The following SYNGR1 variants were observed in gnomAD, a reference collection of about 807,000 sequenced individuals.
SYNGR1 encodes the protein synaptogyrin 1.
Under a neutral mutation model 26.1 loss-of-function variants are expected in SYNGR1, and 14 were observed. The ratio of observed to expected loss-of-function variants is 0.54; its 90% CI spans 0.35 to 0.84. The LOEUF is 0.84. Among genes scored for constraint, SYNGR1 ranks in the 40% least tolerant of loss-of-function variants. The pLI is 0.01. For missense variants in SYNGR1, 319 were observed against 332.9 expected (o/e 0.96, Z 0.33); for synonymous variants, 141 against 150.1 (o/e 0.94, Z 0.44).
rs189012507 is a variant in SYNGR1, at chr22:39,365,627, G to A, written c.100-8689G>A. Among the ~76,000 whole-genome samples the A allele has an allele frequency of 1.2e-3, 188 of 150,852 alleles. 1 individual carries two copies. The highest frequency in any genetic ancestry group is 4.5e-3 in the African/African-American group (182 of 40,146). ...AGAAGTTAAACCCTTGACACAGAGG[G>A]CAGCTGACAGCCCTGCAGGGGGTTC... On this transcript the variant is annotated intron_variant, in intron 1 of 3. Coordinates refer to ENST00000328933, the MANE Select transcript of SYNGR1 (RefSeq NM_004711.5).
chr22:39,375,793 C>T (rs1415570391), intron 2 of SYNGR1: 4 of 617,126 alleles, frequency 6.5e-6, no homozygotes, highest in East Asian at 5.5e-5. Flanking sequence ...CCGTGGCTCT[C>T]CTCTGACTGG....
rs1923840375 is a variant in SYNGR1, at chr22:39,350,288, G to C, written c.99+179G>C. Among the ~76,000 whole-genome samples the C allele has an allele frequency of 6.6e-6, 1 of 151,868 alleles. No homozygotes were observed. The highest frequency in any genetic ancestry group is 1.5e-5 in the Non-Finnish European group (1 of 67,916). Reference sequence around the variant, plus strand: ...GCCGCCGCTCCTCCTTCCCGGGCCCGGGGCGGGCGGGATCCCTGGTGCTCG... The same window carrying C: ...GCCGCCGCTCCTCCTTCCCGGGCCCCGGGCGGGCGGGATCCCTGGTGCTCG... On this transcript the variant is annotated intron_variant, in intron 1 of 3. Transcript: ENST00000328933. This position sits in a 1 kb window ranked among gnomAD's most constrained non-coding sequence, Gnocchi z 4.3.
chr22:39,361,549 T>C (rs1351004772), intron 1 of SYNGR1, among the ~76,000 whole-genome samples: 1 of 151,630 alleles, frequency 6.6e-6, no homozygotes, highest in Non-Finnish European at 1.5e-5. Context: ...TTAGTAGAGA[T>C]GGGTCTCACC....
rs778810244 is a variant in SYNGR1 at position 39,381,920 on chromosome 22, A to G, written c.*6A>G. 5 of 1,601,546 alleles carry G rather than the reference A, an allele frequency of 3.1e-6. No individual in the cohort carries two copies. The South Asian group carries it at 4.4e-5, about 14-fold the overall frequency. ...ACCAGTCGCAGGGCTACTGAGCCAC[A>G]GTGACCGCCTGCCCCCGCCCCTCCC... On this transcript the variant is annotated 3_prime_UTR_variant, in exon 4 of 4. Coordinates refer to ENST00000328933, the MANE Select transcript of SYNGR1 (RefSeq NM_004711.5).
At position 39,377,954 on chromosome 22, in the gene SYNGR1, C is replaced by A. The variant is rs900952674; in HGVS notation, c.483+1757C>A. Reference sequence around the variant, plus strand: ...GATGAATTAGGTGGGGTCCTTGGCTCCAGGAGCCCACAGGCTGGGGAGGAG... The same window carrying A: ...GATGAATTAGGTGGGGTCCTTGGCTACAGGAGCCCACAGGCTGGGGAGGAG... On this transcript the variant is annotated intron_variant, in intron 3 of 3. Transcript: ENST00000328933. 11 of 1,300,280 alleles carry A rather than the reference C, an allele frequency of 8.5e-6. No homozygotes were observed. In the African/African-American group the frequency reaches 1.5e-4, roughly 18 times the overall value. The allele number at this position is 1,300,280 out of a possible 1,614,324, so 80.5% of individuals were successfully genotyped here. A position where few individuals can be genotyped will look rare whatever the true frequency, so the allele number is the denominator to read the frequency against.
At chr22:39,368,193 C>T (rs1924857988) in intron 1 of SYNGR1, among the ~76,000 whole-genome samples, 1 of 152,220 alleles carries the variant, frequency 6.6e-6, no homozygotes, top group Non-Finnish European at 1.5e-5. Context: ...GCCACGTGCC[C>T]TTCCTTGCAT....
intron 1 of SYNGR1, among the ~76,000 whole-genome samples, chr22:39,355,382 C>T (rs995736489): frequency 6.6e-6 from 1 of 152,240 alleles, no homozygotes; most frequent in African/African-American, 2.4e-5. Context: ...GGTGGGCCCA[C>T]GGCCCTTGTT....
intron 1 of SYNGR1, among the ~76,000 whole-genome samples, chr22:39,367,279 A>G (rs2145620496): frequency 6.6e-6 from 1 of 152,348 alleles, no homozygotes; most frequent in Admixed American, 6.5e-5. Flanking sequence ...GCCCCAGAAG[A>G]GGCCTCCCAG....
At position 39,384,761 on chromosome 22, in the gene SYNGR1, C is replaced by G; in HGVS notation, c.*2847C>G. The G allele has an allele frequency of 2.5e-6, 1 of 399,144 alleles. No homozygotes were observed. Among genetic ancestry groups the G allele is most frequent in the Non-Finnish European group, 4.4e-6 (1 of 226,074 alleles). 24.7% of individuals were successfully genotyped at this position (399,144 alleles called of 1,614,324 possible). ...GGGTGGCTCCCTCCTCCCCATCAAGCACAAGAGAGGGCCCAGGAAAAAAGG... is the reference window on the plus strand; with the variant it reads ...GGGTGGCTCCCTCCTCCCCATCAAGGACAAGAGAGGGCCCAGGAAAAAAGG... On this transcript the variant is annotated 3_prime_UTR_variant, in exon 4 of 4. Coordinates refer to ENST00000328933, the MANE Select transcript of SYNGR1 (RefSeq NM_004711.5).
intron 1 of SYNGR1, among the ~76,000 whole-genome samples, chr22:39,359,274 G>A (rs79758575): frequency 0.016 from 2,359 of 152,032 alleles, 34 homozygotes; most frequent in Non-Finnish European, 0.023. Context: ...GCACTGGGTC[G>A]CCCACTCCCC....
rs570401095 is a variant in SYNGR1, at chr22:39,383,058, T to G, written c.*1144T>G. ...TGGCCCCAGCTGCCCAGCAGGTGCC[T>G]CGATTCCCTGCCCTTGTGACCTCCC... On this transcript the variant is annotated 3_prime_UTR_variant, in exon 4 of 4. Transcript: ENST00000328933. 8 of 152,408 alleles carry G rather than the reference T, an allele frequency of 5.2e-5. No individual in the cohort carries two copies. Among genetic ancestry groups the G allele is most frequent in the African/African-American group, 1.9e-4 (8 of 41,558 alleles). 9.4% of individuals were successfully genotyped at this position (152,408 alleles called of 1,614,324 possible). A position where few individuals can be genotyped will look rare whatever the true frequency, so the allele number is the denominator to read the frequency against.
chr22:39,359,092 G>C (rs1287116293), intron 1 of SYNGR1, among the ~76,000 whole-genome samples: 2 of 152,212 alleles, frequency 1.3e-5, no homozygotes, highest in East Asian at 3.9e-4. Flanking sequence ...GACACCTTTT[G>C]TAAATTGCAC....
intron 1 of SYNGR1, among the ~76,000 whole-genome samples, chr22:39,360,529 A>G (rs1220719322): frequency 6.6e-6 from 1 of 152,070 alleles, no homozygotes; most frequent in African/African-American, 2.4e-5. Context: ...TGAGGGGTTT[A>G]TGCATCCTCC....
chr22:39,354,295 C>A (rs1205545580), intron 1 of SYNGR1, among the ~76,000 whole-genome samples: 1 of 152,110 alleles, frequency 6.6e-6, no homozygotes, highest in African/African-American at 2.4e-5. Flanking sequence ...GGGTATCTTC[C>A]CCCCGTTTTA....
chr22:39,376,951 T>TG (rs745381737), intron 3 of SYNGR1: 14 of 1,547,604 alleles, frequency 9.0e-6, no homozygotes, highest in African/African-American at 2.8e-5. Context: ...GCAGCTCGGC[T>TG]GGCCCCTCTT....
intron 1 of SYNGR1, among the ~76,000 whole-genome samples, chr22:39,355,680 G>C (rs936502013): frequency 6.6e-6 from 1 of 152,180 alleles, no homozygotes. Context: ...CTGTAACATG[G>C]GATTGGAGGG....
In SYNGR1 at chr22:39,385,090, C is replaced by A. The variant is rs577176754; in HGVS notation, c.*3176C>A. 2.5e-5 allele frequency: 10 copies of A among 398,610 alleles called. No individual in the cohort carries two copies. The South Asian group carries it at 1.3e-3, about 53-fold the overall frequency. The allele number at this position is 398,610 out of a possible 1,614,324, so 24.7% of individuals were successfully genotyped here. The stretch of plus-strand genomic sequence containing the variant: ...CCCAGGTTTCCCCATGTAACTGAGA[C>A]ACCCTGCCTGTTAGCCCTGGGAGAC... On this transcript the variant is annotated 3_prime_UTR_variant, in exon 4 of 4. Coordinates refer to ENST00000328933, the MANE Select transcript of SYNGR1 (RefSeq NM_004711.5).
intron 1 of SYNGR1, among the ~76,000 whole-genome samples, chr22:39,354,865 G>GT (rs1198853430): frequency 1.4e-5 from 2 of 147,790 alleles, no homozygotes; most frequent in African/African-American, 4.9e-5. Flanking sequence ...AAAGCTGAAC[G>GT]TTTTTTGTAA....
intron 1 of SYNGR1, among the ~76,000 whole-genome samples, chr22:39,356,215 C>A (rs1924138280): frequency 6.6e-6 from 1 of 152,032 alleles, no homozygotes; most frequent in Admixed American, 6.6e-5. Context: ...CCACCACACC[C>A]GGCTAATTTT....
Sources: allele counts gnomAD v4.1 joint callset (sites outside exome capture counted in the v4.1 genomes callset), GRCh38; gene constraint gnomAD v4.1.1; non-coding constraint Gnocchi (gnomAD v3.1); transcripts MANE v1.5; gene names NCBI Gene and HGNC (gene_info 2026-07-23, HGNC 2026-07-21).